XIRP2: variants seen among roughly 807,000 people sequenced by gnomAD.
The protein encoded by XIRP2 is xin actin binding repeat containing 2.
In XIRP2, 236 loss-of-function variants were observed where a neutral mutation model predicts 277.0. The ratio of observed to expected loss-of-function variants is 0.85; its 90% confidence interval spans 0.77 to 0.95. XIRP2 has a LOEUF of 0.95. XIRP2 is among the 40% of genes least tolerant of loss of function. XIRP2 has a pLI of 0.00. For missense variants in XIRP2, 4,640 were observed against 4,157.5 expected (o/e 1.12, Z -3.19); for synonymous variants, 1,490 against 1,416.5 (o/e 1.05, Z -1.17).
intron 2 of XIRP2, among the ~76,000 whole-genome samples, chr2:167,046,592 A>G (rs576451412): frequency 6.6e-6 from 1 of 152,152 alleles, no homozygotes; most frequent in African/African-American, 2.4e-5. Flanking sequence ...CTGTGCAGCC[A>G]TAAAAAAGGA....
intron 2 of XIRP2, among the ~76,000 whole-genome samples, chr2:167,056,146 G>T (rs1038388390): frequency 6.6e-6 from 1 of 152,084 alleles, no homozygotes; most frequent in African/African-American, 2.4e-5. Flanking sequence ...ATTTTAATAT[G>T]AAAAGTAAAT....
intron 2 of XIRP2, among the ~76,000 whole-genome samples, chr2:166,913,499 A>C (rs537424494): frequency 6.6e-6 from 1 of 152,154 alleles, no homozygotes; most frequent in Non-Finnish European, 1.5e-5. Context: ...GGAGCTGTAG[A>C]CTGGAGCTGT....
chr2:167,172,515 T>A (rs1190205553), intron 3 of XIRP2, among the ~76,000 whole-genome samples: 1 of 152,138 alleles, frequency 6.6e-6, no homozygotes, highest in Non-Finnish European at 1.5e-5. Flanking sequence ...TTTCATCCCT[T>A]ATCCACAACT....
chr2:167,089,863 A>T (rs555074603), intron 2 of XIRP2, among the ~76,000 whole-genome samples: 2 of 152,090 alleles, frequency 1.3e-5, no homozygotes. Context: ...GCAGTTTGGT[A>T]GTAGAGACAG....
At chr2:167,114,844 T>C (rs1456661240) in intron 2 of XIRP2, among the ~76,000 whole-genome samples, 1 of 152,182 alleles carries the variant, frequency 6.6e-6, no homozygotes, top group Non-Finnish European at 1.5e-5. Flanking sequence ...CAGTCTATCA[T>C]TGTTGGACAT....
intron 2 of XIRP2, among the ~76,000 whole-genome samples, chr2:167,028,528 G>A (rs1276051544): frequency 1.3e-5 from 2 of 152,036 alleles, no homozygotes; most frequent in Non-Finnish European, 1.5e-5. Flanking sequence ...ATGCAGAAAT[G>A]CAGTGACCAA....
Position 166,889,153 on chromosome 2 carries a change from CAT to C in XIRP2, c.-19+597_-19+598del, listed in dbSNP as rs1684032862. Among the ~76,000 whole-genome samples the C allele has an allele frequency of 2.0e-5, 3 of 152,318 alleles. 1 individual carries two copies. In the East Asian group the frequency reaches 5.8e-4, roughly 29 times the overall value. On this transcript the variant is annotated intron_variant, in intron 1 of 10. Transcript: ENST00000409195. ...GCCTCCTGGCACAACCACCCACTAA[CAT>C]GTGATCTAGCAGACAAATGGAAGCT...
chr2:167,227,338 C>A (rs528521108), intron 5 of XIRP2, among the ~76,000 whole-genome samples: 50 of 152,130 alleles, frequency 3.3e-4, no homozygotes, highest in African/African-American at 1.2e-3. Context: ...ATACTCTAAT[C>A]CCAGGTAATT....
At chr2:167,228,376 TC>T (rs1311766179) in intron 5 of XIRP2, among the ~76,000 whole-genome samples, 3 of 152,184 alleles carry the variant, frequency 2.0e-5, no homozygotes, top group Non-Finnish European at 4.4e-5. Flanking sequence ...GATTGACTCC[TC>T]CTTCCCCTAT....
At chr2:167,015,078 TC>T (rs1687784461) in intron 2 of XIRP2, among the ~76,000 whole-genome samples, 1 of 151,796 alleles carries the variant, frequency 6.6e-6, no homozygotes, top group South Asian at 2.1e-4. Context: ...AAAAATGAGT[TC>T]TTTCCCAAGA....
At chr2:167,008,701 A>G (rs970638304) in intron 2 of XIRP2, among the ~76,000 whole-genome samples, 1 of 151,720 alleles carries the variant, frequency 6.6e-6, no homozygotes, top group African/African-American at 2.4e-5. Flanking sequence ...CTGCTTTAAA[A>G]AATAATCACA....
At chr2:167,176,365 A>G (rs997981855) in intron 3 of XIRP2, among the ~76,000 whole-genome samples, 4 of 152,104 alleles carry the variant, frequency 2.6e-5, no homozygotes, top group African/African-American at 9.7e-5. Context: ...AGATGAGATG[A>G]GTAACCCAGT....
chr2:167,225,927 A>T lies in XIRP2; in HGVS notation c.858+7627A>T, dbSNP rs576841693. 6.6e-5 allele frequency among the ~76,000 whole-genome samples: 10 copies of T among 152,310 alleles called. 1 individual carries two copies. The highest frequency in any genetic ancestry group is 5.2e-4 in the Admixed American group (8 of 15,296). On this transcript the variant is annotated intron_variant, in intron 5 of 10. Transcript: ENST00000409195. The stretch of plus-strand genomic sequence containing the variant: ...GATTAACTTTTTAATGCTGAAGCGG[A>T]ATTGGAAGACCAAGAGTTTGCTAAA...
intron 3 of XIRP2, among the ~76,000 whole-genome samples, chr2:167,167,109 C>G (rs1164742268): frequency 6.6e-6 from 1 of 152,130 alleles, no homozygotes; most frequent in Non-Finnish European, 1.5e-5. Flanking sequence ...TATAAATTAC[C>G]TTGCTGTCAA....
At chr2:167,230,992 G>A (rs745885390) in intron 5 of XIRP2, among the ~76,000 whole-genome samples, 18 of 152,012 alleles carry the variant, frequency 1.2e-4, no homozygotes, top group Admixed American at 2.6e-4. Context: ...CTAGTTGCTC[G>A]TAGATACATT....
chr2:167,133,149 C>T (rs927335950), intron 2 of XIRP2, among the ~76,000 whole-genome samples: 2 of 152,156 alleles, frequency 1.3e-5, no homozygotes, highest in Non-Finnish European at 2.9e-5. Flanking sequence ...TTGTGAAATG[C>T]TGCATTTGTT....
intron 3 of XIRP2, among the ~76,000 whole-genome samples, chr2:167,200,267 A>G (rs77134393): frequency 0.015 from 2,242 of 152,312 alleles, 68 homozygotes; most frequent in African/African-American, 0.052. Context: ...AGGGACTTAA[A>G]GACTGGCCTA....
chr2:167,242,485 G>T lies in XIRP2; in HGVS notation c.1177-84G>T, dbSNP rs1417878867. ...ATGGAGATATCATAGGAGGGTCCAG[G>T]TTACAGACCAATGAAGGGCAGTGCC... On this transcript the variant is annotated intron_variant, in intron 8 of 10. Transcript: ENST00000409195. 2.1e-6 allele frequency: 3 copies of T among 1,424,646 alleles called. No individual in the cohort carries two copies. The Admixed American group carries it at 6.6e-5, about 31-fold the overall frequency. The allele number at this position is 1,424,646 out of a possible 1,614,324, so 88.3% of individuals were successfully genotyped here.
chr2:167,143,946 T>G (rs1438787329), intron 3 of XIRP2, among the ~76,000 whole-genome samples: 1 of 152,142 alleles, frequency 6.6e-6, no homozygotes, highest in African/African-American at 2.4e-5. Context: ...ATTTTTATTT[T>G]CAAGAGTTAA....
Sources: gnomAD v4.1 joint callset for allele counts (sites outside exome capture counted in the v4.1 genomes callset) on GRCh38, gnomAD v4.1.1 for gene constraint, MANE v1.5 for transcripts, NCBI Gene and HGNC (gene_info 2026-07-23, HGNC 2026-07-21) for gene names.